PDE1C: variants seen among roughly 807,000 people sequenced by gnomAD.
The protein encoded by PDE1C is dual specificity calcium/calmodulin-dependent 3',5'-cyclic nucleotide phosphodiesterase 1C.
PDE1C carries 62 observed loss-of-function variants against 93.1 expected under a neutral mutation model. The observed-to-expected ratio is 0.67, with a 90% CI of 0.54 to 0.82. The LOEUF is 0.82. Among genes scored for constraint, PDE1C ranks in the 40% least tolerant of loss-of-function variants. The pLI is 0.00. For synonymous variants in PDE1C, 325 were observed against 310.1 expected (o/e 1.05, Z -0.50); for missense variants, 742 against 884.6 (o/e 0.84, Z 2.04).
chr7:31,789,789 T>G, intron 16 of PDE1C: 1 of 989,206 alleles, frequency 1.0e-6, no homozygotes, highest in Non-Finnish European at 1.2e-6. Context: ...CAGTAGCCAG[T>G]GCAAAAATGA....
chr7:32,099,231 T>C (rs1320191513), intron 3 of PDE1C, among the ~76,000 whole-genome samples: 1 of 152,170 alleles, frequency 6.6e-6, no homozygotes, highest in East Asian at 1.9e-4. Flanking sequence ...CCAAAAATAG[T>C]TTATTTTCTA....
chr7:31,968,698 G>T (rs1040341859), intron 2 of PDE1C, among the ~76,000 whole-genome samples: 7 of 152,166 alleles, frequency 4.6e-5, no homozygotes, highest in Admixed American at 4.6e-4. Context: ...CATGCTACCT[G>T]ACTTCAAACT....
downstream of PDE1C, among the ~76,000 whole-genome samples, chr7:31,748,606 C>T (rs1423172164): frequency 2.6e-5 from 4 of 152,198 alleles, no homozygotes; most frequent in African/African-American, 9.7e-5. Context: ...GTGAATGTAA[C>T]AAAAGTATAA....
At chr7:31,677,383 C>T in the PDE1C span, among the ~76,000 whole-genome samples, 1 of 152,182 alleles carries the variant, frequency 6.6e-6, no homozygotes, top group Non-Finnish European at 1.5e-5. Context: ...TCACTTACGA[C>T]TATCCATGCA....
At chr7:32,299,446 G>A (rs2128901709), upstream of PDE1C, 2 of 982,472 alleles carry the variant, frequency 2.0e-6, no homozygotes, top group South Asian at 9.4e-5. Flanking sequence ...AGTCACCGGA[G>A]GCTCTATGAT....
chr7:32,327,233 T>G (rs1000018462), intron 1 of PDE1C, among the ~76,000 whole-genome samples: 4 of 152,238 alleles, frequency 2.6e-5, no homozygotes, highest in African/African-American at 9.6e-5. Context: ...TCACTTTCTC[T>G]GTTTTCCAAG....
At chr7:32,011,730 A>T (rs1438924378) in intron 2 of PDE1C, among the ~76,000 whole-genome samples, 1 of 152,224 alleles carries the variant, frequency 6.6e-6, no homozygotes, top group Non-Finnish European at 1.5e-5. Context: ...TGCTGATGGG[A>T]ATGTAAAATG....
At chr7:31,758,945 A>G (rs1050450861) in intron 17 of PDE1C, among the ~76,000 whole-genome samples, 6 of 152,194 alleles carry the variant, frequency 3.9e-5, no homozygotes, top group African/African-American at 1.4e-4. Context: ...CCAAAGTATT[A>G]CTGAATTTCC....
chr7:32,238,891 A>G (rs1032045089), intron 1 of PDE1C, among the ~76,000 whole-genome samples: 1 of 152,172 alleles, frequency 6.6e-6, no homozygotes, highest in African/African-American at 2.4e-5. Context: ...GGGAAATGTT[A>G]TTTCCTCAGG....
At chr7:31,671,485 A>G in the PDE1C span, among the ~76,000 whole-genome samples, 3 of 151,874 alleles carry the variant, frequency 2.0e-5, no homozygotes, top group African/African-American at 7.3e-5. Flanking sequence ...ATTGTATCTC[A>G]CTGTGATCAC....
chr7:31,789,265 A>T lies in PDE1C; in HGVS notation c.1892-13533T>A, dbSNP rs559259459. The T allele has an allele frequency of 2.6e-5, 4 of 152,278 alleles. No individual in the cohort carries two copies. In the East Asian group the frequency reaches 7.7e-4, roughly 29 times the overall value. The allele number at this position is 152,278 out of a possible 1,614,324, so 9.4% of individuals were successfully genotyped here. A position where few individuals can be genotyped will look rare whatever the true frequency, so the allele number is the denominator to read the frequency against. ...CAATGTTATTCTCTTTCCATGCTACATCTACTATTCTTATTTTTTATTCGT... is the reference window on the plus strand; with the variant it reads ...CAATGTTATTCTCTTTCCATGCTACTTCTACTATTCTTATTTTTTATTCGT... On this transcript the variant is annotated intron_variant, in intron 16 of 17. Coordinates refer to ENST00000396191, the MANE Select transcript of PDE1C (RefSeq NM_001191057.4).
intron 1 of PDE1C, among the ~76,000 whole-genome samples, chr7:32,297,161 T>C (rs1244034281): frequency 1.3e-5 from 2 of 152,086 alleles, no homozygotes; most frequent in African/African-American, 4.8e-5. Flanking sequence ...TAGGATTTGG[T>C]ACGTTTGGAG....
chr7:31,737,297 C>A, the PDE1C span, among the ~76,000 whole-genome samples: 1 of 151,928 alleles, frequency 6.6e-6, no homozygotes, highest in Non-Finnish European at 1.5e-5. Flanking sequence ...TAATTCTAAC[C>A]ATAGCTATAG....
chr7:31,671,760 A>C, the PDE1C span, among the ~76,000 whole-genome samples: 3 of 152,192 alleles, frequency 2.0e-5, no homozygotes, highest in Non-Finnish European at 4.4e-5. Flanking sequence ...CCAGTATCTC[A>C]TATGGAAAGC....
intron 1 of PDE1C, among the ~76,000 whole-genome samples, chr7:32,347,093 G>T (rs1783867023): frequency 6.6e-6 from 1 of 152,192 alleles, no homozygotes; most frequent in Non-Finnish European, 1.5e-5. Flanking sequence ...ACACCTCAAT[G>T]AAGTTGTTTT....
intron 2 of PDE1C, among the ~76,000 whole-genome samples, chr7:31,984,084 G>A (rs2129063451): frequency 6.9e-6 from 1 of 144,954 alleles, no homozygotes; most frequent in East Asian, 1.9e-4. Flanking sequence ...CGGTATGATA[G>A]AGGTGGAGAG....
intron 12 of PDE1C, among the ~76,000 whole-genome samples, chr7:31,827,276 A>C (rs1789800016): frequency 6.6e-6 from 1 of 151,722 alleles, no homozygotes; most frequent in Non-Finnish European, 1.5e-5. Context: ...CCTTCTACCC[A>C]CCCCTAGCTC....
At chr7:32,201,277 C>T (rs1584947426) in intron 2 of PDE1C, among the ~76,000 whole-genome samples, 1 of 152,346 alleles carries the variant, frequency 6.6e-6, no homozygotes, top group South Asian at 2.1e-4. Flanking sequence ...AAAACTTCAT[C>T]TTAACTTTAT....
rs551063930 is a variant in PDE1C at position 31,803,482 on chromosome 7, C to T, written c.1891+5549G>A. Among the ~76,000 whole-genome samples, 274 of 151,814 alleles carry T rather than the reference C, an allele frequency of 1.8e-3. 1 individual carries two copies. The highest frequency in any genetic ancestry group is 6.4e-3 in the African/African-American group (266 of 41,416). On this transcript the variant is annotated intron_variant, in intron 16 of 17. Coordinates refer to ENST00000396191, the MANE Select transcript of PDE1C (RefSeq NM_001191057.4). ...GGTTTGTTACATATGTATACCTGTG[C>T]CATGTTGGTGTGCTGCACCCATTAA...
Sources: allele counts gnomAD v4.1 joint callset (sites outside exome capture counted in the v4.1 genomes callset), GRCh38; gene constraint gnomAD v4.1.1; transcripts MANE v1.5; gene names NCBI Gene and HGNC (gene_info 2026-07-23, HGNC 2026-07-21).